The following MIPOL1 variants were observed in gnomAD, a reference collection of about 807,000 sequenced individuals.
MIPOL1 encodes mirror-image polydactyly gene 1 protein.
A neutral mutation model predicts 60.9 loss-of-function variants in MIPOL1; 57 were observed. That is an observed-to-expected ratio of 0.94 (90% CI 0.76 to 1.17). The LOEUF (loss-of-function observed/expected upper bound fraction) is 1.17. MIPOL1 is among the 50% of genes most tolerant of loss of function. MIPOL1 has a pLI of 0.00. For synonymous variants in MIPOL1, 179 were observed against 168.8 expected, an observed-to-expected ratio of 1.06 and a Z score of -0.47; for missense variants, 551 against 511.6, an observed-to-expected ratio of 1.08 and a Z score of -0.74.
rs574247994 is a variant in MIPOL1, at chr14:37,514,310, T to C, written c.1262+14172T>C. 1.3e-3 allele frequency among the ~76,000 whole-genome samples: 200 copies of C among 152,232 alleles called. 2 individuals carry two copies. The highest frequency in any genetic ancestry group is 4.7e-3 in the African/African-American group (195 of 41,556). ...ACTCAACTACCTTACCTGAGATTCA[T>C]TGAAGAATTGATAAAAATAAGATGT... On this transcript the variant is annotated intron_variant, in intron 12 of 12. Transcript: ENST00000684589.
intron 11 of MIPOL1, among the ~76,000 whole-genome samples, chr14:37,474,410 T>C (rs2094736425): frequency 6.6e-6 from 1 of 152,042 alleles, no homozygotes; most frequent in Admixed American, 6.5e-5. Context: ...AATTGAATCA[T>C]GGGAGCGGAT....
chr14:37,532,459 G>A (rs548630428), intron 12 of MIPOL1, among the ~76,000 whole-genome samples: 2 of 152,130 alleles, frequency 1.3e-5, no homozygotes, highest in Non-Finnish European at 2.9e-5. Context: ...CATCTATGGT[G>A]CTTGAGAAAT....
chr14:37,394,713 T>C (rs1281115962), intron 10 of MIPOL1, among the ~76,000 whole-genome samples: 2 of 152,196 alleles, frequency 1.3e-5, no homozygotes, highest in Non-Finnish European at 2.9e-5. Flanking sequence ...ACTTGGTGTG[T>C]TGTCTGTTTA....
At chr14:37,376,647 G>A (rs991986533) in intron 10 of MIPOL1, among the ~76,000 whole-genome samples, 1 of 152,004 alleles carries the variant, frequency 6.6e-6, no homozygotes, top group Non-Finnish European at 1.5e-5. Context: ...ATTTAATTGT[G>A]TGGATATACC....
chr14:37,355,710 G>A (rs1465808197), intron 9 of MIPOL1, among the ~76,000 whole-genome samples: 26 of 134,660 alleles, frequency 1.9e-4, no homozygotes, highest in African/African-American at 6.8e-4. Context: ...GGCTCCTGAG[G>A]CTTCTGCATT....
chr14:37,312,092 T>C (rs1295374288), intron 9 of MIPOL1, among the ~76,000 whole-genome samples: 2 of 152,082 alleles, frequency 1.3e-5, no homozygotes, highest in East Asian at 3.9e-4. Context: ...GGATTTTGCC[T>C]TAATTTAATT....
At chr14:37,335,421 GCCCCTGACAACTTCA>G (rs933323612) in intron 9 of MIPOL1, among the ~76,000 whole-genome samples, 8 of 151,946 alleles carry the variant, frequency 5.3e-5, no homozygotes, top group African/African-American at 1.9e-4. Context: ...CTCTCCCCTG[GCCCCTGACAACTTCA>G]CCCCTGACAT....
At chr14:37,379,053 T>G (rs2092853676) in intron 10 of MIPOL1, among the ~76,000 whole-genome samples, 1 of 151,994 alleles carries the variant, frequency 6.6e-6, no homozygotes, top group South Asian at 2.1e-4. Context: ...CGGGTCTTGA[T>G]GTAATGCCTA....
intron 10 of MIPOL1, among the ~76,000 whole-genome samples, chr14:37,383,087 A>C (rs1039422601): frequency 2.6e-5 from 4 of 151,838 alleles, no homozygotes; most frequent in Admixed American, 1.3e-4. Flanking sequence ...GAAAATGTTA[A>C]CTTTGAATCG....
chr14:37,214,188 G>T (rs564630647), intron 1 of MIPOL1, among the ~76,000 whole-genome samples: 1 of 150,464 alleles, frequency 6.6e-6, no homozygotes, highest in Non-Finnish European at 1.5e-5. Context: ...CTATGGCACG[G>T]TAACTGTGGT....
chr14:37,293,044 CT>C (rs2085252400), intron 7 of MIPOL1, among the ~76,000 whole-genome samples: 3 of 152,102 alleles, frequency 2.0e-5, no homozygotes, highest in South Asian at 4.1e-4. Context: ...TGCTTTTGGG[CT>C]TTTATTTGTT....
intron 11 of MIPOL1, among the ~76,000 whole-genome samples, chr14:37,466,419 A>G (rs1252005144): frequency 6.6e-6 from 1 of 152,190 alleles, no homozygotes; most frequent in Non-Finnish European, 1.5e-5. Context: ...TATTTATGGA[A>G]TGGAAGGCAA....
chr14:37,302,167 A>C (rs1261949031), intron 7 of MIPOL1, among the ~76,000 whole-genome samples: 2 of 149,762 alleles, frequency 1.3e-5, no homozygotes, highest in Non-Finnish European at 3.0e-5. Context: ...TTTTATAAGA[A>C]ACTGCCAAAT....
At chr14:37,429,101 A>T (rs2094016119) in intron 11 of MIPOL1, among the ~76,000 whole-genome samples, 1 of 152,228 alleles carries the variant, frequency 6.6e-6, no homozygotes, top group South Asian at 2.1e-4. Flanking sequence ...TTTCATCAAG[A>T]AAGAATCTTA....
At position 37,499,909 on chromosome 14, in the gene MIPOL1, T is replaced by C. The variant is rs762259873; in HGVS notation, c.1033T>C (p.Leu345=). The change falls in exon 12 of 13, where the codon TTA becomes CTA. Residue 345 remains leucine (L), a splice_region_variant and synonymous_variant. Coordinates refer to ENST00000684589, the MANE Select transcript of MIPOL1 (RefSeq NM_001388067.1). The part of the protein sequence containing the change: ...EIQTLRVYYS[L]HKSLSQEENL... ...AAATTTTTTTTAATATTTTCTCAGT[T>C]TACACAAATCTTTATCTCAAGAAGA... 1 of 1,527,942 alleles carries C rather than the reference T, an allele frequency of 6.5e-7. No individual in the cohort carries two copies. The highest frequency in any genetic ancestry group is 9.0e-7 in the Non-Finnish European group (1 of 1,116,918). 94.6% of individuals were successfully genotyped at this position (1,527,942 alleles called of 1,614,324 possible). A position where few individuals can be genotyped will look rare whatever the true frequency, so the allele number is the denominator to read the frequency against.
rs956966323 is a variant in MIPOL1 at position 37,298,413 on chromosome 14, A to C, written c.624-9643A>C. ...TGGGCAAGGACTTCATGTTTAAAAC[A>C]CCAAAAGCAATGGCAACAAAAGCCA... On this transcript the variant is annotated intron_variant, in intron 7 of 12. Transcript: ENST00000684589. 3.3e-5 allele frequency among the ~76,000 whole-genome samples: 5 copies of C among 152,330 alleles called. No homozygotes were observed. The South Asian group carries it at 8.3e-4, about 25-fold the overall frequency.
At chr14:37,308,291 A>G (rs2086963467) in intron 8 of MIPOL1, 58 bp from the exon 9 acceptor site, 4 of 1,372,374 alleles carry the variant, frequency 2.9e-6, no homozygotes, top group Admixed American at 5.1e-5. Flanking sequence ...TTAAAACCCT[A>G]TATTAAATAA....
chr14:37,237,674 A>T (rs910509), intron 1 of MIPOL1, among the ~76,000 whole-genome samples: 2 of 151,890 alleles, frequency 1.3e-5, no homozygotes, highest in African/African-American at 4.8e-5. Context: ...TCAACTCCTG[A>T]CCTTAAATGA....
At chr14:37,355,850 G>C (rs1595358628) in intron 9 of MIPOL1, among the ~76,000 whole-genome samples, 1 of 149,694 alleles carries the variant, frequency 6.7e-6, no homozygotes, top group Non-Finnish European at 1.5e-5. Flanking sequence ...CCTTTGGTTT[G>C]AATGTCCTCC....
Sources: gnomAD v4.1 joint callset for allele counts (sites outside exome capture counted in the v4.1 genomes callset) on GRCh38, gnomAD v4.1.1 for gene constraint, MANE v1.5 for transcripts, NCBI Gene and HGNC (gene_info 2026-07-23, HGNC 2026-07-21) for gene names.